The following CACNA1H variants were observed in gnomAD, a reference collection of about 807,000 sequenced individuals.
CACNA1H encodes the protein voltage-dependent T-type calcium channel subunit alpha-1H.
A neutral mutation model predicts 192.5 loss-of-function variants in CACNA1H; 149 were observed. The observed-to-expected ratio is 0.77, with a 90% CI of 0.68 to 0.89. The LOEUF (loss-of-function observed/expected upper bound fraction) is 0.89, where lower values mean the gene tolerates loss of function less well. Ranked by LOEUF, CACNA1H falls within the 40% of genes least tolerant of loss-of-function variation. CACNA1H has a pLI of 0.00. For synonymous variants in CACNA1H, 2,202 were observed against 1,475.2 expected (o/e 1.49, Z -11.29); for missense variants, 4,257 against 3,423.5 (o/e 1.24, Z -6.08).
rs942365143 is a variant in CACNA1H at position 1,171,921 on chromosome 16, G to C, written c.299+17885G>C. ...AGGCCAGGGAGCAGTGTCCACGGGT[G>C]GGGGCATGTTCACAGGCCAGGCGGG... On this transcript the variant is annotated intron_variant, in intron 2 of 34. Coordinates refer to ENST00000348261, the MANE Select transcript of CACNA1H (RefSeq NM_021098.3). Among the ~76,000 whole-genome samples the C allele has an allele frequency of 1.1e-3, 167 of 152,380 alleles. 1 individual carries two copies. Among genetic ancestry groups the C allele is most frequent in the Non-Finnish European group, 2.0e-3 (136 of 68,038 alleles).
intron 1 of CACNA1H, 89 bp downstream of exon 1, chr16:1,153,559 T>TGGAG (rs1444803923): frequency 9.7e-6 from 2 of 205,692 alleles, no homozygotes; most frequent in Non-Finnish European, 7.0e-6. Flanking sequence ...GTGGGGCCGC[T>TGGAG]GGAGGGAGGG....
intron 2 of CACNA1H, among the ~76,000 whole-genome samples, chr16:1,189,671 C>T (rs1966417992): frequency 6.6e-6 from 1 of 152,088 alleles, no homozygotes; most frequent in Admixed American, 6.5e-5. Context: ...GATCCTCCTG[C>T]CTCAGCCTCC....
rs1249244661 is a variant in CACNA1H, at chr16:1,182,789, G to A, written c.300-12183G>A. Among the ~76,000 whole-genome samples, 4 of 152,256 alleles carry A rather than the reference G, an allele frequency of 2.6e-5. 1 individual carries two copies. The highest frequency in any genetic ancestry group is 6.8e-3 in the Middle Eastern group (2 of 294). ...CGACGAGGCTGTCAGTCACTGTGGC[G>A]GGGACCCCCACCCTGGCCCTCCTCT... On this transcript the variant is annotated intron_variant, in intron 2 of 34. Transcript: ENST00000348261.
chr16:1,168,895 G>A (rs990136178), intron 2 of CACNA1H, among the ~76,000 whole-genome samples: 3 of 152,056 alleles, frequency 2.0e-5, no homozygotes, highest in Non-Finnish European at 2.9e-5. Flanking sequence ...GGGGTGCCCC[G>A]CTCTGAAGTA....
rs75217889 is a variant in CACNA1H, at chr16:1,201,088, C to T, written c.1212+280C>T. On this transcript the variant is annotated intron_variant, in intron 8 of 34. Transcript: ENST00000348261. The stretch of plus-strand genomic sequence containing the variant: ...CATAGCCTCCCAGCACCGCTTTCCA[C>T]GGGCGTGTGTGGCCCCAGGTGTGCT... Among the ~76,000 whole-genome samples the T allele has an allele frequency of 5.0e-3, 755 of 152,242 alleles. 9 individuals are homozygous for T. The highest frequency in any genetic ancestry group is 0.017 in the African/African-American group (691 of 41,518).
rs373660548 is a variant in CACNA1H, at chr16:1,201,653, C to G, written c.1213-10C>G. On this transcript the variant is annotated splice_polypyrimidine_tract_variant and intron_variant, in intron 8 of 34. Coordinates refer to ENST00000348261, the MANE Select transcript of CACNA1H (RefSeq NM_021098.3). ...ACTCACTGCCACTTACCCGCCCGCC[C>G]CCGTCACAGGTGGGCTCCTTCTTCA... is the stretch of plus-strand genomic sequence containing the variant. 8 of 1,576,318 alleles carry G rather than the reference C, an allele frequency of 5.1e-6. No homozygotes were observed. The highest frequency in any genetic ancestry group is 4.7e-5 in the South Asian group (4 of 85,958).
chr16:1,206,960 C>T (rs74248364), intron 12 of CACNA1H, 41 bp from the exon 13 acceptor site: 2 of 1,028,590 alleles, frequency 1.9e-6, no homozygotes, highest in African/African-American at 1.6e-5. Context: ...CTCAGCACAC[C>T]CCTGCCTCCA....
Position 1,211,189 on chromosome 16 carries a change from C to T in CACNA1H, c.4245C>T (p.Gly1415=), listed in dbSNP as rs369232507. 1 of 1,612,802 alleles carries T rather than the reference C, an allele frequency of 6.2e-7. No individual in the cohort carries two copies. Among genetic ancestry groups the T allele is most frequent in the African/African-American group, 1.3e-5 (1 of 74,938 alleles). ...RPLRVISRAP[G]LKLVVETLIS... ...CCAGGGTCATCAGCCGGGCCCCGGG[C>T]CTCAAGCTGGTGGTGGAGACGCTGA... Residue 1415 remains glycine (G), a synonymous_variant, in exon 22 of 35, where the codon GGC becomes GGT. Transcript: ENST00000348261.
Position 1,209,016 on chromosome 16 carries a change from TCCCGCCACC to T in CACNA1H, c.3364-12_3364-4del. On this transcript the variant is annotated splice_polypyrimidine_tract_variant and splice_region_variant and intron_variant, in intron 16 of 34. Transcript: ENST00000348261. ...ATAGTGATGCCACCAGGTCACTGAC[TCCCGCCACC>T]CCCCAGGCCAGCCTCCGAAGTTCTC... The T allele has an allele frequency of 6.8e-7, 1 of 1,480,970 alleles. No homozygotes were observed. The highest frequency in any genetic ancestry group is 8.9e-7 in the Non-Finnish European group (1 of 1,124,252). The allele number at this position is 1,480,970 out of a possible 1,614,324, so 91.7% of individuals were successfully genotyped here. A position where few individuals can be genotyped will look rare whatever the true frequency, so the allele number is the denominator to read the frequency against.
At chr16:1,202,845 G>A (rs1286940709) in intron 9 of CACNA1H, among the ~76,000 whole-genome samples, 1 of 152,152 alleles carries the variant, frequency 6.6e-6, no homozygotes, top group Non-Finnish European at 1.5e-5. Flanking sequence ...CATTGAGGCT[G>A]GCCCCCCTTC....
At chr16:1,182,460 G>T (rs1019615651) in intron 2 of CACNA1H, among the ~76,000 whole-genome samples, 1 of 152,110 alleles carries the variant, frequency 6.6e-6, no homozygotes, top group Non-Finnish European at 1.5e-5. Context: ...GCTCTCCCAC[G>T]GGCAGCCCAG....
Position 1,206,150 on chromosome 16 carries a change from C to G in CACNA1H, c.2650C>G (p.Arg884Gly), listed in dbSNP as rs762653776. Residue 884 changes from arginine (R) to glycine (G), a missense_variant, in exon 12 of 35, where the codon CGC becomes GGC. Coordinates refer to ENST00000348261, the MANE Select transcript of CACNA1H (RefSeq NM_021098.3). ...GQADGGLSVL[R>G]TFRLLRVLKL... ...GGCGGACGGTGGCTTGTCTGTGCTG[C>G]GCACCTTCCGGCTGCTGCGTGTGCT... 1 of 1,586,036 alleles carries G rather than the reference C, an allele frequency of 6.3e-7. No homozygotes were observed. The highest frequency in any genetic ancestry group is 8.6e-7 in the Non-Finnish European group (1 of 1,168,364).
intron 2 of CACNA1H, among the ~76,000 whole-genome samples, chr16:1,158,954 G>A (rs371532157): frequency 6.6e-6 from 1 of 152,212 alleles, no homozygotes; most frequent in African/African-American, 2.4e-5. Context: ...CCGGGCAGGG[G>A]TCTCGGGTTT....
Position 1,208,201 on chromosome 16 carries a change from C to A in CACNA1H, c.3343C>A (p.Leu1115Met). The A allele has an allele frequency of 6.4e-7, 1 of 1,564,596 alleles. No homozygotes were observed. Among genetic ancestry groups the A allele is most frequent in the Non-Finnish European group, 8.6e-7 (1 of 1,157,342 alleles). ...RGSSSSGDPPLGDQKPPASLR... is the reference protein window; with the variant it reads ...RGSSSSGDPPMGDQKPPASLR... ...CAGCAGCAGCTCCGGGGACCCGCCA[C>A]TGGGAGACCAGAAGCCTCCGGTAGG... The change falls in exon 16 of 35, where the codon CTG (leucine) becomes ATG (methionine). Residue 1115 changes from leucine to methionine, a missense_variant. Leu to Met is a conservative substitution (Grantham distance 15, BLOSUM62 2). Coordinates refer to ENST00000348261, the MANE Select transcript of CACNA1H (RefSeq NM_021098.3).
At chr16:1,154,431 G>A (rs1032075338) in intron 2 of CACNA1H, among the ~76,000 whole-genome samples, 1 of 152,120 alleles carries the variant, frequency 6.6e-6, no homozygotes, top group Admixed American at 6.5e-5. Flanking sequence ...GGTCCTGCCC[G>A]AGGCAGGCCC....
chr16:1,201,986 C>G lies in CACNA1H; in HGVS notation c.1536C>G (p.Ala512=). 6.5e-7 allele frequency: 1 copy of G among 1,541,214 alleles called. No individual in the cohort carries two copies. The highest frequency in any genetic ancestry group is 8.7e-7 in the Non-Finnish European group (1 of 1,143,866). ...HRQRRAGRHT[A]SVHHLVYHHH... Reference sequence around the variant, plus strand: ...AGCGCCGGGCAGGCAGGCACACAGCCTCGGTGCACCACCTGGTCTACCACC... The same window carrying G: ...AGCGCCGGGCAGGCAGGCACACAGCGTCGGTGCACCACCTGGTCTACCACC... The change falls in exon 9 of 35, where the codon GCC becomes GCG. Residue 512 remains alanine (A), a synonymous_variant. Coordinates refer to ENST00000348261, the MANE Select transcript of CACNA1H (RefSeq NM_021098.3).
chr16:1,203,091 A>G (rs1045526710), intron 9 of CACNA1H, among the ~76,000 whole-genome samples: 118 of 152,038 alleles, frequency 7.8e-4, no homozygotes, highest in Admixed American at 3.1e-3. Context: ...CGTGGTGGGG[A>G]GAGGTGCGAG....
chr16:1,218,552 GACA>G lies in CACNA1H; in HGVS notation c.5789_5791del (p.Asp1930_Ser1931delinsGly). On this transcript the variant is annotated inframe_deletion, in exon 33 of 35. Coordinates refer to ENST00000348261, the MANE Select transcript of CACNA1H (RefSeq NM_021098.3). ...GTCCAGGATGCTCTCGCTGCCCAAC[GACA>G]GCTACATGTTCAGGCCCGTGGTGCC... is the stretch of plus-strand genomic sequence containing the variant. 3 of 1,561,962 alleles carry G rather than the reference GACA, an allele frequency of 1.9e-6. No homozygotes were observed. The highest frequency in any genetic ancestry group is 2.6e-6 in the Non-Finnish European group (3 of 1,153,576).
At position 1,153,443 on chromosome 16, in the gene CACNA1H, C is replaced by G. The variant is rs894243580; in HGVS notation, c.-46C>G. ...GACCGCGCCGCCCGGGCGATGCCCGCGGGGACGCCGCCGGCCAGCAGAGCG... is the reference window on the plus strand; with the variant it reads ...GACCGCGCCGCCCGGGCGATGCCCGGGGGGACGCCGCCGGCCAGCAGAGCG... On this transcript the variant is annotated 5_prime_UTR_variant, in exon 1 of 35. Coordinates refer to ENST00000348261, the MANE Select transcript of CACNA1H (RefSeq NM_021098.3). 6.3e-6 allele frequency: 1 copy of G among 158,584 alleles called. No individual in the cohort carries two copies. The highest frequency in any genetic ancestry group is 1.3e-5 in the Non-Finnish European group (1 of 74,122). The allele number at this position is 158,584 out of a possible 1,614,324, so 9.8% of individuals were successfully genotyped here.
Sources: gnomAD v4.1 joint callset for allele counts (sites outside exome capture counted in the v4.1 genomes callset) on GRCh38, gnomAD v4.1.1 for gene constraint, MANE v1.5 for transcripts, NCBI Gene and HGNC (gene_info 2026-07-23, HGNC 2026-07-21) for gene names.